ZNF138: variants seen among roughly 807,000 people sequenced by gnomAD.
ZNF138 encodes zinc finger protein 138 (clone pHZ-32).
In ZNF138, 33 loss-of-function variants were observed where a neutral mutation model predicts 33.0. The ratio of observed to expected loss-of-function variants is 1.00; its 90% CI spans 0.76 to 1.34. The LOEUF is 1.34. Ranked by LOEUF, ZNF138 falls within the 40% of genes most tolerant of loss-of-function variation. The pLI is 0.00. For missense variants in ZNF138, 360 were observed against 370.8 expected, an observed-to-expected ratio of 0.97 and a Z score of 0.24; for synonymous variants, 139 against 120.4, an observed-to-expected ratio of 1.15 and a Z score of -1.01.
chr7:64,853,801 CAT>C, the ZNF138 span, among the ~76,000 whole-genome samples: 1 of 151,718 alleles, frequency 6.6e-6, no homozygotes, highest in Non-Finnish European at 1.5e-5. Flanking sequence ...AACTGAATAA[CAT>C]AGGTGTTATT....
intron 1 of ZNF138, among the ~76,000 whole-genome samples, chr7:64,795,464 C>T (rs1268948346): frequency 2.6e-5 from 4 of 152,178 alleles, no homozygotes; most frequent in African/African-American, 9.7e-5. Flanking sequence ...TTTCCAGTTC[C>T]TTCTGACATT....
At chr7:64,854,534 C>A in the ZNF138 span, among the ~76,000 whole-genome samples, 1 of 152,180 alleles carries the variant, frequency 6.6e-6, no homozygotes, top group African/African-American at 2.4e-5. Context: ...AGCCATCACA[C>A]CTAGTCATAA....
intron 3 of ZNF138, among the ~76,000 whole-genome samples, chr7:64,828,845 G>A (rs1195781381): frequency 1.3e-5 from 2 of 151,434 alleles, no homozygotes; most frequent in African/African-American, 4.9e-5. Context: ...TACCTTTGGT[G>A]TTGCTGTTTC....
intron 1 of ZNF138, chr7:64,814,047 C>G (rs762099042): frequency 5.4e-5 from 65 of 1,202,868 alleles, no homozygotes; most frequent in Middle Eastern, 7.3e-4. Flanking sequence ...AGGCTCTCAT[C>G]TTTGTTTACA....
chr7:64,822,156 A>G (rs1166348703), intron 3 of ZNF138, among the ~76,000 whole-genome samples: 1 of 149,428 alleles, frequency 6.7e-6, no homozygotes, highest in Non-Finnish European at 1.5e-5. Context: ...CCTGACCTCA[A>G]GATCCACCCA....
At chr7:64,796,863 T>C (rs1438060915) in intron 1 of ZNF138, among the ~76,000 whole-genome samples, 1 of 152,164 alleles carries the variant, frequency 6.6e-6, no homozygotes, top group South Asian at 2.1e-4. Flanking sequence ...GCCAACATGG[T>C]GAAACCCCAT....
chr7:64,813,803 C>T (rs1788382519), intron 1 of ZNF138, among the ~76,000 whole-genome samples: 1 of 152,038 alleles, frequency 6.6e-6, no homozygotes, highest in African/African-American at 2.4e-5. Context: ...AGCAGTGATG[C>T]CGTGTTTTTC....
chr7:64,844,809 C>T, the ZNF138 span, among the ~76,000 whole-genome samples: 1 of 152,132 alleles, frequency 6.6e-6, no homozygotes, highest in Non-Finnish European at 1.5e-5. Flanking sequence ...GCCTCAGCTT[C>T]CTGAGTAGCT....
Position 64,832,805 on chromosome 7 carries a change from CAAG to C in ZNF138, c.*608_*610del, listed in dbSNP as rs1053081356. 3.9e-5 allele frequency: 17 copies of C among 439,106 alleles called. No homozygotes were observed. Among genetic ancestry groups the C allele is most frequent in the South Asian group, 2.3e-4 (13 of 55,596 alleles). 27.2% of individuals were successfully genotyped at this position (439,106 alleles called of 1,614,324 possible). ...GCCAACTCTCAAACCTTACTAAACA[CAAG>C]AAGATTCATACTAGAGAGAAACCCT... On this transcript the variant is annotated 3_prime_UTR_variant, in exon 4 of 4. Coordinates refer to ENST00000307355, the MANE Select transcript of ZNF138 (RefSeq NM_001271639.2).
In ZNF138 at chr7:64,794,541, G is replaced by A. The variant is rs770400143; in HGVS notation, c.-28G>A. 1.9e-6 allele frequency: 3 copies of A among 1,613,310 alleles called. No homozygotes were observed. The highest frequency in any genetic ancestry group is 1.7e-4 in the Middle Eastern group (1 of 6,058). ...TGGTTATTGGGAGATTCACAGCTAAGACGCCAGGATCCCCCGGAAGCCTAG... is the reference window on the plus strand; with the variant it reads ...TGGTTATTGGGAGATTCACAGCTAAAACGCCAGGATCCCCCGGAAGCCTAG... On this transcript the variant is annotated 5_prime_UTR_variant, in exon 1 of 4. Transcript: ENST00000307355.
chr7:64,858,841 T>TA, the ZNF138 span, among the ~76,000 whole-genome samples: 2 of 152,250 alleles, frequency 1.3e-5, no homozygotes, highest in Non-Finnish European at 2.9e-5. Flanking sequence ...AAGGGCTGAA[T>TA]AGCATTCCAT....
At chr7:64,824,928 G>T (rs1789453851) in intron 3 of ZNF138, among the ~76,000 whole-genome samples, 2 of 151,064 alleles carry the variant, frequency 1.3e-5, no homozygotes, top group Admixed American at 6.6e-5. Context: ...TGCAACCTCT[G>T]TCTCCTGGGT....
Position 64,831,923 on chromosome 7 carries a change from A to G in ZNF138, c.681A>G (p.Val227=), listed in dbSNP as rs1790121234. 1 of 1,613,614 alleles carries G rather than the reference A, an allele frequency of 6.2e-7. No individual in the cohort carries two copies. Among genetic ancestry groups the G allele is most frequent in the Admixed American group, 1.7e-5 (1 of 59,960 alleles). The change falls in exon 4 of 4, where the codon GTA becomes GTG. Residue 227 remains valine (V), a synonymous_variant. Transcript: ENST00000307355. ...HTGEKPYKCE[V]CGKAFHQSSI... ...GAGAAAAACCCTACAAATGTGAAGT[A>G]TGTGGAAAAGCCTTTCACCAATCCT...
chr7:64,841,783 T>C, the ZNF138 span, among the ~76,000 whole-genome samples: 8 of 152,246 alleles, frequency 5.3e-5, no homozygotes, highest in Non-Finnish European at 1.5e-5. Flanking sequence ...AGAAAGTTGG[T>C]ATTTTTAATG....
chr7:64,832,068 G>A lies in ZNF138; in HGVS notation c.826G>A (p.Glu276Lys), dbSNP rs1174868014. ...TAGACATAAGATAATTCATACTGAA[G>A]AGAAACCCTACAAATGTGAACAATG... The part of the protein sequence containing the change: ...LTRHKIIHTE[E>K]KPYKCEQCGK... Residue 276 changes from glutamate (E) to lysine (K), a missense_variant, in exon 4 of 4, where the codon GAG becomes AAG. Coordinates refer to ENST00000307355, the MANE Select transcript of ZNF138 (RefSeq NM_001271639.2). 6.2e-7 allele frequency: 1 copy of A among 1,613,904 alleles called. No homozygotes were observed. Among genetic ancestry groups the A allele is most frequent in the Non-Finnish European group, 8.5e-7 (1 of 1,179,910 alleles).
intron 1 of ZNF138, among the ~76,000 whole-genome samples, chr7:64,805,324 G>A (rs36061166): frequency 0.1 from 15,624 of 151,876 alleles, 941 homozygotes; most frequent in East Asian, 0.26. Flanking sequence ...GCTTGAACCC[G>A]GAAGGTGGAG....
the ZNF138 span, among the ~76,000 whole-genome samples, chr7:64,840,393 G>A: frequency 2.3e-4 from 35 of 152,000 alleles, no homozygotes; most frequent in South Asian, 1.0e-3. Context: ...AATGAATATC[G>A]TTCCCGTTGG....
At chr7:64,813,621 A>G (rs1788364113) in intron 1 of ZNF138, among the ~76,000 whole-genome samples, 1 of 152,022 alleles carries the variant, frequency 6.6e-6, no homozygotes, top group Admixed American at 6.6e-5. Flanking sequence ...TTTTTAGTAG[A>G]GACGGGGTTT....
Position 64,833,553 on chromosome 7 carries a change from T to C in ZNF138, c.*1351T>C, listed in dbSNP as rs1790263588. The C allele has an allele frequency of 6.4e-6, 1 of 156,662 alleles. No homozygotes were observed. Among genetic ancestry groups the C allele is most frequent in the African/African-American group, 2.4e-5 (1 of 41,504 alleles). The allele number at this position is 156,662 out of a possible 1,614,324, so 9.7% of individuals were successfully genotyped here. On this transcript the variant is annotated 3_prime_UTR_variant, in exon 4 of 4. Transcript: ENST00000307355. ...ACCTTATTGCACAGGAAAGCATTTA[T>C]ACTTCAGAAAATGTTGTACTGATAT...
Sources: allele counts gnomAD v4.1 joint callset (sites outside exome capture counted in the v4.1 genomes callset), GRCh38; gene constraint gnomAD v4.1.1; transcripts MANE v1.5; gene names NCBI Gene and HGNC (gene_info 2026-07-23, HGNC 2026-07-21).